The following RBFOX1 variants were observed in gnomAD, a reference collection of about 807,000 sequenced individuals.
RBFOX1 encodes RNA binding fox-1 homolog 1, also known as RNA binding protein fox-1 homolog 1.
Under a neutral mutation model 57.7 loss-of-function variants are expected in RBFOX1, and 8 were observed. The ratio of observed to expected loss-of-function variants is 0.14; its 90% CI spans 0.08 to 0.25. RBFOX1 has a LOEUF of 0.25. Ranked by LOEUF, RBFOX1 falls within the 10% of genes least tolerant of loss-of-function variation. The probability of loss-of-function intolerance (pLI) is 1.00; values close to 1 mark genes in which losing one functional copy is unlikely to be tolerated. For synonymous variants in RBFOX1, 326 were observed against 222.4 expected, an observed-to-expected ratio of 1.47 and a Z score of -4.15; for missense variants, 611 against 548.5, an observed-to-expected ratio of 1.11 and a Z score of -1.14.
rs59594774 is a variant in RBFOX1, at chr16:5,424,989, T to TTTCTTTCTTTCTTTCTTTC, written c.220-42225_220-42224insCTTTCTTTCTTTCTTTCTT. On this transcript the variant is annotated intron_variant, in intron 1 of 2. Coordinates refer to the RBFOX1 transcript ENST00000585867. ...CTCTTTCTTTCTTTCTTTTCTTTTC[T>TTTCTTTCTTTCTTTCTTTC]TTTCTTTTCTTTTCTTTTCTTTTCT... Among the ~76,000 whole-genome samples the TTTCTTTCTTTCTTTCTTTC allele has an allele frequency of 7.5e-4, 57 of 75,806 alleles. 1 individual carries two copies. Among genetic ancestry groups the TTTCTTTCTTTCTTTCTTTC allele is most frequent in the African/African-American group, 2.5e-3 (56 of 22,078 alleles). The allele number at this position is 75,806 out of a possible 152,430, so 49.7% of individuals were successfully genotyped here. A position where few individuals can be genotyped will look rare whatever the true frequency, so the allele number is the denominator to read the frequency against.
At chr16:6,444,992 G>C (rs1386469979) in intron 2 of RBFOX1, among the ~76,000 whole-genome samples, 1 of 152,116 alleles carries the variant, frequency 6.6e-6, no homozygotes, top group Non-Finnish European at 1.5e-5. Context: ...GGTGGCAGAA[G>C]TCAGGAAGCT....
intron 2 of RBFOX1, among the ~76,000 whole-genome samples, chr16:5,558,708 C>A (rs138214593): frequency 1.3e-5 from 2 of 152,132 alleles, no homozygotes; most frequent in Admixed American, 6.5e-5. Context: ...GACCCTGAGA[C>A]TGTCAGCCCC....
chr16:5,580,685 C>T (rs535475625), intron 2 of RBFOX1, among the ~76,000 whole-genome samples: 131 of 152,262 alleles, frequency 8.6e-4, no homozygotes, highest in African/African-American at 3.1e-3. Context: ...CGTTACCTTT[C>T]ACGGCATCTC....
chr16:5,655,961 C>G (rs957117589), intron 3 of RBFOX1, among the ~76,000 whole-genome samples: 13 of 152,236 alleles, frequency 8.5e-5, no homozygotes, highest in African/African-American at 2.9e-4. Flanking sequence ...AGGATGGTCA[C>G]TGTGTCTGTC....
At chr16:5,630,877 T>G (rs1239584149) in intron 3 of RBFOX1, among the ~76,000 whole-genome samples, 1 of 152,258 alleles carries the variant, frequency 6.6e-6, no homozygotes, top group East Asian at 1.9e-4. Context: ...AGTTTGCTGA[T>G]GTTTAATGAC....
intron 11 of RBFOX1, among the ~76,000 whole-genome samples, chr16:7,631,775 G>T (rs983478024): frequency 2.0e-5 from 3 of 152,210 alleles, no homozygotes; most frequent in East Asian, 1.9e-4. Context: ...TTCCTAAATT[G>T]TGAAGCTGAG....
intron 4 of RBFOX1, among the ~76,000 whole-genome samples, chr16:7,108,273 A>G (rs1339562237): frequency 6.6e-6 from 1 of 152,198 alleles, no homozygotes. Flanking sequence ...GTATTCAGGG[A>G]GCTCAACATA....
intron 1 of RBFOX1, among the ~76,000 whole-genome samples, chr16:6,293,687 G>A (rs1305900137): frequency 1.3e-5 from 2 of 152,164 alleles, no homozygotes; most frequent in Non-Finnish European, 2.9e-5. Flanking sequence ...GGCTAGTTCA[G>A]CCCTCGTCGC....
chr16:5,520,173 GGA>G (rs1037702127), intron 2 of RBFOX1, among the ~76,000 whole-genome samples: 8 of 152,140 alleles, frequency 5.3e-5, no homozygotes, highest in Non-Finnish European at 8.8e-5. Context: ...TATTGTGGCT[GGA>G]GAGAGATGAG....
chr16:6,280,587 T>C (rs936142132), intron 1 of RBFOX1, among the ~76,000 whole-genome samples: 1 of 151,988 alleles, frequency 6.6e-6, no homozygotes, highest in African/African-American at 2.4e-5. Flanking sequence ...ACTTAGACAA[T>C]GTAATGTCGC....
chr16:6,667,287 C>G (rs1008109459), intron 3 of RBFOX1, among the ~76,000 whole-genome samples: 22 of 152,104 alleles, frequency 1.4e-4, no homozygotes, highest in Non-Finnish European at 1.8e-4. Context: ...ATGAAAAGCA[C>G]TGAGGTAGAT....
intron 1 of RBFOX1, among the ~76,000 whole-genome samples, chr16:5,310,853 A>T (rs1012129333): frequency 6.6e-6 from 1 of 152,200 alleles, no homozygotes; most frequent in African/African-American, 2.4e-5. Flanking sequence ...AATTTTTAAA[A>T]ATTTCAATAG....
rs748401124 is a variant in RBFOX1 at position 7,518,176 on chromosome 16, C to T, written c.57C>T (p.Asp19=). ...RGNQEAAAAP[D]TMAQPYASAQ... Reference sequence around the variant, plus strand: ...ATCAGGAAGCAGCCGCTGCCCCTGACACAATGGCTCAGCCTTACGCTTCGG... The same window carrying T: ...ATCAGGAAGCAGCCGCTGCCCCTGATACAATGGCTCAGCCTTACGCTTCGG... Residue 19 remains aspartate, a synonymous_variant, in exon 5 of 16, where the codon GAC becomes GAT. Coordinates refer to ENST00000550418, the MANE Select transcript of RBFOX1 (RefSeq NM_018723.4). The T allele has an allele frequency of 1.9e-6, 3 of 1,613,608 alleles. No individual in the cohort carries two copies. The highest frequency in any genetic ancestry group is 2.5e-6 in the Non-Finnish European group (3 of 1,179,692).
At chr16:7,022,878 G>T (rs2039725109) in intron 3 of RBFOX1, among the ~76,000 whole-genome samples, 1 of 152,194 alleles carries the variant, frequency 6.6e-6, no homozygotes, top group Non-Finnish European at 1.5e-5. Context: ...TGTTCACACA[G>T]CTAGAATGCT....
At chr16:7,515,372 T>G (rs1345058893) in intron 4 of RBFOX1, among the ~76,000 whole-genome samples, 4 of 151,882 alleles carry the variant, frequency 2.6e-5, no homozygotes, top group African/African-American at 9.7e-5. Context: ...ACAGATACAT[T>G]CTGGAGATTT....
intron 1 of RBFOX1, among the ~76,000 whole-genome samples, chr16:6,024,193 G>A (rs1182504672): frequency 1.3e-5 from 2 of 152,122 alleles, no homozygotes; most frequent in Non-Finnish European, 2.9e-5. Flanking sequence ...GGAAGGAGTG[G>A]CTAATGCAAG....
chr16:6,649,108 C>T (rs891097901), intron 2 of RBFOX1, among the ~76,000 whole-genome samples: 1 of 152,172 alleles, frequency 6.6e-6, no homozygotes, highest in African/African-American at 2.4e-5. Context: ...CCAGCAAACC[C>T]CCTGGTAGTG....
At chr16:5,488,091 G>C (rs1480294274) in intron 2 of RBFOX1, among the ~76,000 whole-genome samples, 1 of 149,970 alleles carries the variant, frequency 6.7e-6, no homozygotes, top group East Asian at 1.9e-4. Flanking sequence ...GGATTATGGT[G>C]ATGATGGTGA....
intron 3 of RBFOX1, among the ~76,000 whole-genome samples, chr16:6,904,665 T>C (rs2069363798): frequency 6.7e-6 from 1 of 148,720 alleles, no homozygotes; most frequent in Admixed American, 6.7e-5. Flanking sequence ...ATCTTGTACC[T>C]GAGGACTGTT....
Sources: gnomAD v4.1 joint callset for allele counts (sites outside exome capture counted in the v4.1 genomes callset) on GRCh38, gnomAD v4.1.1 for gene constraint, MANE v1.5 for transcripts, NCBI Gene and HGNC (gene_info 2026-07-23, HGNC 2026-07-21) for gene names.